Variants in MREG observed in about 807,000 individuals in gnomAD.
The protein encoded by MREG is melanoregulin.
A neutral mutation model predicts 28.5 loss-of-function variants in MREG; 31 were observed. That is an observed-to-expected ratio of 1.09 (90% CI 0.82 to 1.47). The LOEUF is 1.47. Ranked by LOEUF, MREG falls within the 40% of genes most tolerant of loss-of-function variation. The probability of loss-of-function intolerance (pLI) is 0.00; values close to 1 mark genes in which losing one functional copy is unlikely to be tolerated. For missense variants in MREG, 256 were observed against 257.4 expected (o/e 0.99, Z 0.04); for synonymous variants, 106 against 95.2 (o/e 1.11, Z -0.66).
At chr2:216,009,860 A>T (rs1055834727) in intron 1 of MREG, among the ~76,000 whole-genome samples, 1 of 152,148 alleles carries the variant, frequency 6.6e-6, no homozygotes, top group Non-Finnish European at 1.5e-5. Context: ...ATATGGCAAG[A>T]GCATGCTCTT....
At chr2:215,987,620 T>A (rs1485077072) in intron 2 of MREG, among the ~76,000 whole-genome samples, 3 of 152,124 alleles carry the variant, frequency 2.0e-5, no homozygotes, top group South Asian at 2.1e-4. Flanking sequence ...GTGGCTCACA[T>A]CTGTAATTCC....
intron 2 of MREG, among the ~76,000 whole-genome samples, chr2:215,965,339 C>T (rs1559179578): frequency 6.6e-6 from 1 of 152,040 alleles, no homozygotes; most frequent in Non-Finnish European, 1.5e-5. Context: ...TCCAGGATCT[C>T]GCCAGCCTCA....
chr2:216,028,736 T>C (rs1364362081), intron 1 of MREG, among the ~76,000 whole-genome samples: 1 of 152,130 alleles, frequency 6.6e-6, no homozygotes, highest in Non-Finnish European at 1.5e-5. Context: ...CGAATTTGTA[T>C]AGTGTTAAGG....
intron 2 of MREG, among the ~76,000 whole-genome samples, chr2:215,984,431 T>C (rs927888624): frequency 2.0e-5 from 3 of 147,984 alleles, no homozygotes; most frequent in African/African-American, 7.5e-5. Flanking sequence ...GGCAGAAGAA[T>C]TGCTGGAGCC....
At chr2:215,953,859 A>G (rs1692547431) in intron 2 of MREG, among the ~76,000 whole-genome samples, 1 of 152,232 alleles carries the variant, frequency 6.6e-6, no homozygotes, top group Non-Finnish European at 1.5e-5. Flanking sequence ...CAATATAGAT[A>G]CCACACAAAA....
chr2:215,992,227 C>T (rs1389332309), intron 2 of MREG, among the ~76,000 whole-genome samples: 1 of 152,220 alleles, frequency 6.6e-6, no homozygotes, highest in Non-Finnish European at 1.5e-5. Flanking sequence ...CCCTGGGATG[C>T]AAGGCTGGTT....
chr2:215,993,786 T>C (rs181987673), intron 2 of MREG, among the ~76,000 whole-genome samples: 236 of 152,248 alleles, frequency 1.6e-3, no homozygotes, highest in African/African-American at 5.5e-3. Flanking sequence ...AAGAAGACAT[T>C]TGTGCGGCCA....
intron 1 of MREG, among the ~76,000 whole-genome samples, chr2:216,008,830 T>C (rs1332939086): frequency 6.6e-6 from 1 of 152,184 alleles, no homozygotes; most frequent in Non-Finnish European, 1.5e-5. Flanking sequence ...TCACAAGCAC[T>C]AAGCCCAATC....
At chr2:216,008,619 A>AT (rs1694221897) in intron 1 of MREG, among the ~76,000 whole-genome samples, 1 of 152,160 alleles carries the variant, frequency 6.6e-6, no homozygotes, top group African/African-American at 2.4e-5. Flanking sequence ...TCACTGTTTT[A>AT]TTTTTCTACA....
At chr2:216,005,703 T>C (rs1364674619) in intron 1 of MREG, among the ~76,000 whole-genome samples, 1 of 152,052 alleles carries the variant, frequency 6.6e-6, no homozygotes, top group Non-Finnish European at 1.5e-5. Context: ...TGCACCTGCC[T>C]CGGCCTCCCA....
chr2:215,958,575 C>T (rs1431071562), intron 2 of MREG, among the ~76,000 whole-genome samples: 1 of 152,224 alleles, frequency 6.6e-6, no homozygotes, highest in East Asian at 1.9e-4. Flanking sequence ...TCCTCAAGCT[C>T]CAGTTCATTC....
chr2:215,978,856 A>G (rs1197830674), intron 2 of MREG, among the ~76,000 whole-genome samples: 2 of 152,244 alleles, frequency 1.3e-5, no homozygotes, highest in African/African-American at 4.8e-5. Context: ...AAAACTCTCA[A>G]TAAACTAGGT....
At chr2:216,029,161 A>T (rs1365222495) in intron 1 of MREG, among the ~76,000 whole-genome samples, 1 of 152,248 alleles carries the variant, frequency 6.6e-6, no homozygotes, top group Non-Finnish European at 1.5e-5. Context: ...GGATGAAAGC[A>T]GCTTGATGGC....
intron 2 of MREG, among the ~76,000 whole-genome samples, chr2:215,973,827 C>T (rs1693170883): frequency 6.6e-6 from 1 of 152,198 alleles, no homozygotes; most frequent in Non-Finnish European, 1.5e-5. Context: ...GCCTGGTTAA[C>T]CATCAAAGGC....
chr2:215,970,664 C>T (rs1301043880), intron 2 of MREG, among the ~76,000 whole-genome samples: 1 of 152,210 alleles, frequency 6.6e-6, no homozygotes, highest in Non-Finnish European at 1.5e-5. Context: ...GCAAGTCATT[C>T]AGCCTCTGTG....
chr2:216,030,390 A>G (rs1250460910), intron 1 of MREG, among the ~76,000 whole-genome samples: 1 of 152,210 alleles, frequency 6.6e-6, no homozygotes, highest in Non-Finnish European at 1.5e-5. Flanking sequence ...TGACCTGTTC[A>G]TGCCAGTTTC....
intron 2 of MREG, among the ~76,000 whole-genome samples, chr2:215,961,174 C>T (rs1196856133): frequency 6.6e-6 from 1 of 152,236 alleles, no homozygotes; most frequent in Non-Finnish European, 1.5e-5. Flanking sequence ...CTGGCACCTT[C>T]AAGACTTAGA....
intron 2 of MREG, among the ~76,000 whole-genome samples, chr2:215,990,933 C>T (rs1210446647): frequency 2.0e-5 from 3 of 152,166 alleles, no homozygotes; most frequent in African/African-American, 7.2e-5. Context: ...TAGATTCCCA[C>T]ACAATAATAG....
intron 1 of MREG, among the ~76,000 whole-genome samples, 197 bp downstream of exon 1, chr2:216,013,036 G>A (rs111660493): frequency 2.1e-4 from 32 of 152,286 alleles, no homozygotes; most frequent in African/African-American, 7.5e-4. Flanking sequence ...CCGAAGATTT[G>A]TGCTTTTCGG....
Sources: allele counts gnomAD v4.1 joint callset (sites outside exome capture counted in the v4.1 genomes callset), GRCh38; gene constraint gnomAD v4.1.1; transcripts MANE v1.5; gene names NCBI Gene and HGNC (gene_info 2026-07-23, HGNC 2026-07-21).